Variants in ARHGAP6 observed in about 807,000 individuals in gnomAD.
ARHGAP6 encodes Rho GTPase activating protein 6.
In ARHGAP6, 16 loss-of-function variants were observed where a neutral mutation model predicts 55.7. That is an observed-to-expected ratio of 0.29 (90% CI 0.19 to 0.44). The LOEUF (loss-of-function observed/expected upper bound fraction) is 0.44. Ranked by LOEUF, ARHGAP6 falls within the 20% of genes least tolerant of loss-of-function variation. ARHGAP6 has a pLI of 1.00. For missense variants in ARHGAP6, 698 were observed against 808.9 expected, an observed-to-expected ratio of 0.86 and a Z score of 1.66; for synonymous variants, 382 against 360.9, an observed-to-expected ratio of 1.06 and a Z score of -0.66.
chrX:11,576,182 T>C (rs901587671), intron 1 of ARHGAP6, among the ~76,000 whole-genome samples: 1 of 112,158 alleles, frequency 8.9e-6, no homozygotes, highest in African/African-American at 3.2e-5. Flanking sequence ...CTCCTTGTTC[T>C]TCTTCCTTTT....
At chrX:11,503,861 C>A (rs1178744211) in intron 1 of ARHGAP6, among the ~76,000 whole-genome samples, 2 of 95,075 alleles carry the variant, frequency 2.1e-5, no homozygotes, top group Non-Finnish European at 4.0e-5. Flanking sequence ...CACACACACA[C>A]AAAGAGACAC....
chrX:11,601,231 G>A (rs2051967465), intron 1 of ARHGAP6, among the ~76,000 whole-genome samples: 1 of 111,447 alleles, frequency 9.0e-6, no homozygotes, highest in African/African-American at 3.3e-5. Context: ...GTGTGGGAGA[G>A]GGACAGCAGC....
intron 1 of ARHGAP6, among the ~76,000 whole-genome samples, chrX:11,500,592 T>C (rs1372879064): frequency 2.1e-5 from 2 of 97,284 alleles, no homozygotes; most frequent in Non-Finnish European, 4.0e-5. Flanking sequence ...ACCTAGGAGG[T>C]GAATGTTTTA....
chrX:11,333,339 T>C (rs901709714), intron 1 of ARHGAP6, among the ~76,000 whole-genome samples: 1 of 111,850 alleles, frequency 8.9e-6, no homozygotes, highest in African/African-American at 3.3e-5. Flanking sequence ...GATGGTTTTA[T>C]AAGGGGCTTT....
At position 11,664,422 on chromosome X, in the gene ARHGAP6, G is replaced by A. The variant is rs113151368; in HGVS notation, c.407C>T (p.Ala136Val). Residue 136 changes from alanine (A) to valine (V), a missense_variant, in exon 1 of 13, where the codon GCC becomes GTC. By Grantham distance (64) the Ala-to-Val change is moderately conservative. Transcript: ENST00000337414. The part of the protein sequence containing the change: ...LGRGGLKKSM[A>V]WDLPSVLAGP... The stretch of plus-strand genomic sequence containing the variant: ...GGCCAGGACAGAAGGCAGGTCCCAG[G>A]CCATGCTCTTCTTGAGGCCGCCGCG... 1.9e-5 allele frequency: 23 copies of A among 1,211,010 alleles called. No homozygotes were observed. In the Admixed American group the frequency reaches 4.6e-4, roughly 24 times the overall value.
At chrX:11,312,059 G>A (rs763686420) in intron 1 of ARHGAP6, among the ~76,000 whole-genome samples, 1 of 111,777 alleles carries the variant, frequency 8.9e-6, no homozygotes, top group South Asian at 3.8e-4. Flanking sequence ...TGGAAAAACT[G>A]TTTAAATGTC....
chrX:11,274,909 A>G (rs1056789873), intron 1 of ARHGAP6, among the ~76,000 whole-genome samples: 1 of 111,864 alleles, frequency 8.9e-6, no homozygotes, highest in Non-Finnish European at 1.9e-5. Flanking sequence ...GAGATCACTC[A>G]ATGTCTAATT....
intron 9 of ARHGAP6, among the ~76,000 whole-genome samples, chrX:11,167,740 T>A (rs2046035670): frequency 8.9e-6 from 1 of 111,936 alleles, no homozygotes; most frequent in East Asian, 2.8e-4. Context: ...GTTAAAAAAA[T>A]CCAGAGAACA....
chrX:11,149,816 A>G (rs1216857336), intron 10 of ARHGAP6, among the ~76,000 whole-genome samples: 2 of 112,387 alleles, frequency 1.8e-5, no homozygotes, highest in African/African-American at 6.5e-5. Flanking sequence ...TTGTCATTCA[A>G]TAAGATGAAC....
chrX:11,168,633 G>A (rs1013787283), intron 9 of ARHGAP6, among the ~76,000 whole-genome samples: 12 of 112,037 alleles, frequency 1.1e-4, no homozygotes, highest in South Asian at 7.6e-4. Context: ...TTGAAGGAAG[G>A]AGCCACAAAA....
intron 1 of ARHGAP6, among the ~76,000 whole-genome samples, chrX:11,515,818 A>G (rs2050832813): frequency 8.9e-6 from 1 of 112,582 alleles, no homozygotes; most frequent in Admixed American, 9.4e-5. Flanking sequence ...CTTTATCTCA[A>G]AACCTCACAT....
chrX:11,390,847 C>G (rs769856050), intron 1 of ARHGAP6, among the ~76,000 whole-genome samples: 3 of 111,955 alleles, frequency 2.7e-5, no homozygotes, highest in African/African-American at 9.8e-5. Flanking sequence ...GAAATAGGAA[C>G]ACTTTTACAC....
chrX:11,485,435 A>C (rs943142094), intron 1 of ARHGAP6, among the ~76,000 whole-genome samples: 8 of 112,328 alleles, frequency 7.1e-5, no homozygotes, highest in Non-Finnish European at 3.8e-5. Context: ...AGGAAATGCC[A>C]TTTAACTTCC....
intron 1 of ARHGAP6, among the ~76,000 whole-genome samples, chrX:11,557,630 TG>T (rs2051334839): frequency 8.9e-6 from 1 of 112,083 alleles, no homozygotes; most frequent in African/African-American, 3.2e-5. Flanking sequence ...TTTGCAAAGA[TG>T]GGTCTTGCGA....
intron 1 of ARHGAP6, among the ~76,000 whole-genome samples, chrX:11,299,528 T>C (rs1164955705): frequency 8.9e-6 from 1 of 112,276 alleles, no homozygotes; most frequent in Non-Finnish European, 1.9e-5. Context: ...AGATTCCTTT[T>C]CTGTACTGGG....
chrX:11,587,584 C>G (rs1046626589), intron 1 of ARHGAP6, among the ~76,000 whole-genome samples: 1 of 111,890 alleles, frequency 8.9e-6, no homozygotes, highest in East Asian at 2.8e-4. Context: ...ATAAGGGTAA[C>G]TGGTATAGTT....
intron 1 of ARHGAP6, among the ~76,000 whole-genome samples, chrX:11,573,203 G>C (rs1232433811): frequency 2.7e-5 from 3 of 110,004 alleles, no homozygotes; most frequent in Non-Finnish European, 5.7e-5. Context: ...GATCCCATTT[G>C]TCAATTTTGG....
intron 1 of ARHGAP6, among the ~76,000 whole-genome samples, chrX:11,608,190 G>A (rs184077072): frequency 1.1e-3 from 124 of 111,717 alleles, no homozygotes; most frequent in African/African-American, 3.5e-3. Flanking sequence ...AGGATTATAT[G>A]AGCACAGTGA....
chrX:11,220,484 T>C (rs2046953517), intron 2 of ARHGAP6, among the ~76,000 whole-genome samples: 1 of 111,010 alleles, frequency 9.0e-6, no homozygotes, highest in African/African-American at 3.3e-5. Context: ...TATTCAACAT[T>C]CTTAAAGAAA....
Sources: allele counts gnomAD v4.1 joint callset (sites outside exome capture counted in the v4.1 genomes callset), GRCh38; gene constraint gnomAD v4.1.1; transcripts MANE v1.5; gene names NCBI Gene and HGNC (gene_info 2026-07-23, HGNC 2026-07-21).